SENP2: variants seen among roughly 807,000 people sequenced by gnomAD.
SENP2 encodes the protein SUMO specific peptidase 2.
In SENP2, 16 loss-of-function variants were observed where a neutral mutation model predicts 86.3. The observed-to-expected ratio is 0.19, with a 90% CI of 0.13 to 0.28. The LOEUF is 0.28. SENP2 is among the 10% of genes least tolerant of loss of function. The probability of loss-of-function intolerance (pLI) is 1.00; values close to 1 mark genes in which losing one functional copy is unlikely to be tolerated. For synonymous variants in SENP2, 222 were observed against 238.7 expected, an observed-to-expected ratio of 0.93 and a Z score of 0.64; for missense variants, 552 against 703.0, an observed-to-expected ratio of 0.79 and a Z score of 2.43.
chr3:185,623,707 G>T (rs1263810666), intron 14 of SENP2, among the ~76,000 whole-genome samples: 1 of 151,330 alleles, frequency 6.6e-6, no homozygotes, highest in African/African-American at 2.4e-5. Flanking sequence ...TGCTCCTGTG[G>T]TCCCAGCTAC....
intron 10 of SENP2, among the ~76,000 whole-genome samples, chr3:185,613,827 CA>C (rs58192571): frequency 0.017 from 813 of 48,622 alleles, 5 homozygotes; most frequent in South Asian, 0.058. Flanking sequence ...GACTCTGTCT[CA>C]AAAAAAAAAA....
Position 185,600,759 on chromosome 3 carries a change from A to G in SENP2, c.359-6A>G. ...TTTTACAATTACAAATGCATTTTTT[A>G]AATAGGTAATAAATCTCCTAATGGA... is the stretch of plus-strand genomic sequence containing the variant. On this transcript the variant is annotated splice_polypyrimidine_tract_variant and splice_region_variant and intron_variant, in intron 4 of 16. Transcript: ENST00000296257. 2 of 1,555,566 alleles carry G rather than the reference A, an allele frequency of 1.3e-6. No homozygotes were observed. Among genetic ancestry groups the G allele is most frequent in the Non-Finnish European group, 1.8e-6 (2 of 1,132,822 alleles).
At chr3:185,587,797 C>T (rs536800733) in intron 1 of SENP2, among the ~76,000 whole-genome samples, 2 of 143,828 alleles carry the variant, frequency 1.4e-5, no homozygotes, top group Non-Finnish European at 3.0e-5. Context: ...TGCGGTGGCA[C>T]GATCTCAGCT....
intron 5 of SENP2, among the ~76,000 whole-genome samples, chr3:185,604,339 T>G (rs1034996001): frequency 1.3e-5 from 2 of 152,228 alleles, no homozygotes; most frequent in African/African-American, 4.8e-5. Flanking sequence ...GTTTGTTTTC[T>G]GGCCTAGAGT....
chr3:185,625,783 C>T (rs1712118359), intron 15 of SENP2, among the ~76,000 whole-genome samples: 1 of 152,176 alleles, frequency 6.6e-6, no homozygotes, highest in Admixed American at 6.6e-5. Context: ...GTTACATTTC[C>T]GATTGACCAC....
intron 2 of SENP2, among the ~76,000 whole-genome samples, chr3:185,596,469 A>G (rs1278777525): frequency 6.6e-6 from 1 of 151,988 alleles, no homozygotes. Flanking sequence ...AAAATCAAAA[A>G]AATTAGCCAG....
At chr3:185,625,213 A>G (rs1035107638) in intron 15 of SENP2, among the ~76,000 whole-genome samples, 1 of 151,292 alleles carries the variant, frequency 6.6e-6, no homozygotes, top group African/African-American at 2.4e-5. Flanking sequence ...CCGGGTTCAT[A>G]CCATTCTCCT....
In SENP2 at chr3:185,612,070, T is replaced by C. The variant is rs998922416; in HGVS notation, c.817+325T>C. 5.3e-5 allele frequency among the ~76,000 whole-genome samples: 8 copies of C among 152,094 alleles called. No homozygotes were observed. In the East Asian group the frequency reaches 7.7e-4, roughly 15 times the overall value. On this transcript the variant is annotated intron_variant, in intron 8 of 16. Coordinates refer to ENST00000296257, the MANE Select transcript of SENP2 (RefSeq NM_021627.3). Reference sequence around the variant, plus strand: ...TACTCAGGAGGCTGAGGAAGTAGAATTGCCTGAACCTGGGAGGTGGAGGTT... The same window carrying C: ...TACTCAGGAGGCTGAGGAAGTAGAACTGCCTGAACCTGGGAGGTGGAGGTT...
At chr3:185,627,673 A>AG (rs1712215359) in intron 16 of SENP2, among the ~76,000 whole-genome samples, 2 of 152,002 alleles carry the variant, frequency 1.3e-5, no homozygotes, top group Non-Finnish European at 2.9e-5. Flanking sequence ...AGCCTCCCAA[A>AG]GTGCTGGGAT....
chr3:185,589,635 A>G (rs1372301189), intron 1 of SENP2, among the ~76,000 whole-genome samples: 2 of 152,168 alleles, frequency 1.3e-5, no homozygotes, highest in African/African-American at 4.8e-5. Context: ...AGCCTACTAT[A>G]GAATAGCATT....
intron 16 of SENP2, among the ~76,000 whole-genome samples, chr3:185,629,083 G>T (rs187998254): frequency 1.3e-5 from 2 of 152,250 alleles, no homozygotes; most frequent in African/African-American, 4.8e-5. Flanking sequence ...GAAACTTGTA[G>T]ATTTTGTTGT....
intron 16 of SENP2, among the ~76,000 whole-genome samples, chr3:185,628,819 TC>T (rs752018754): frequency 4.6e-5 from 7 of 152,254 alleles, no homozygotes; most frequent in Non-Finnish European, 1.0e-4. Flanking sequence ...AATGTGAACT[TC>T]CGTATACACT....
At chr3:185,616,461 T>A (rs1711609445) in intron 11 of SENP2, among the ~76,000 whole-genome samples, 6 of 131,124 alleles carry the variant, frequency 4.6e-5, no homozygotes, top group Non-Finnish European at 9.5e-5. Flanking sequence ...GGTGACAAAG[T>A]GAGAATCTGT....
intron 2 of SENP2, among the ~76,000 whole-genome samples, chr3:185,590,760 C>T (rs1721955401): frequency 7.3e-6 from 1 of 137,340 alleles, no homozygotes. Context: ...ACTCGGGAGG[C>T]TGAGGCACGA....
intron 7 of SENP2, among the ~76,000 whole-genome samples, chr3:185,611,213 T>G (rs1325406293): frequency 6.6e-6 from 1 of 151,790 alleles, no homozygotes; most frequent in East Asian, 1.9e-4. Context: ...GAGGTAGAGA[T>G]TTCAGTGAGG....
intron 7 of SENP2, among the ~76,000 whole-genome samples, chr3:185,610,530 A>G (rs1722653792): frequency 6.6e-6 from 1 of 152,242 alleles, no homozygotes; most frequent in South Asian, 2.1e-4. Context: ...CTTTAAAAAA[A>G]AATTCTTTTG....
chr3:185,603,812 A>G (rs1043243903), intron 5 of SENP2, among the ~76,000 whole-genome samples: 1 of 152,110 alleles, frequency 6.6e-6, no homozygotes, highest in Non-Finnish European at 1.5e-5. Flanking sequence ...GTTGGTTTTC[A>G]TTTTCATTCA....
chr3:185,594,885 C>T (rs1722127616), intron 2 of SENP2, among the ~76,000 whole-genome samples: 1 of 152,120 alleles, frequency 6.6e-6, no homozygotes. Context: ...TCCCAAAGTG[C>T]AGCTAATTTT....
chr3:185,606,584 C>A, intron 6 of SENP2, 86 bp downstream of exon 6: 2 of 1,144,020 alleles, frequency 1.7e-6, no homozygotes, highest in Non-Finnish European at 2.4e-6. Flanking sequence ...AATGGTTCAA[C>A]GTTTGACATA....
Sources: allele counts gnomAD v4.1 joint callset (sites outside exome capture counted in the v4.1 genomes callset), GRCh38; gene constraint gnomAD v4.1.1; transcripts MANE v1.5; gene names NCBI Gene and HGNC (gene_info 2026-07-23, HGNC 2026-07-21).